The following CAND2 variants were observed in gnomAD, a reference collection of about 807,000 sequenced individuals.
CAND2 encodes cullin associated and neddylation dissociated 2 (putative).
CAND2 carries 62 observed loss-of-function variants against 98.9 expected under a neutral mutation model. That is an observed-to-expected ratio of 0.63 (90% CI 0.51 to 0.77). The LOEUF (loss-of-function observed/expected upper bound fraction) is 0.77. CAND2 is among the 30% of genes least tolerant of loss of function. CAND2 has a pLI of 0.00. For missense variants in CAND2, 1,501 were observed against 1,655.2 expected (o/e 0.91, Z 1.62); for synonymous variants, 770 against 731.9 (o/e 1.05, Z -0.84).
intron 1 of CAND2, among the ~76,000 whole-genome samples, chr3:12,797,943 G>GC (rs1007332386): frequency 2.0e-5 from 3 of 151,826 alleles, no homozygotes; most frequent in Middle Eastern, 3.4e-3. Flanking sequence ...CCCCTCAAGA[G>GC]CCCCCCCACA....
chr3:12,833,471 A>G (rs909413734), intron 14 of CAND2, among the ~76,000 whole-genome samples: 1 of 152,184 alleles, frequency 6.6e-6, no homozygotes, highest in African/African-American at 2.4e-5. Flanking sequence ...GCCACTGTCA[A>G]TTAACAAAAA....
chr3:12,805,134 T>C (rs1479476648), intron 2 of CAND2, among the ~76,000 whole-genome samples: 2 of 152,232 alleles, frequency 1.3e-5, no homozygotes, highest in Admixed American at 1.3e-4. Flanking sequence ...GTATGCGTGC[T>C]TGGGCACTGT....
chr3:12,799,982 G>A (rs963895470), intron 1 of CAND2, among the ~76,000 whole-genome samples: 8 of 152,186 alleles, frequency 5.3e-5, no homozygotes, highest in Non-Finnish European at 1.2e-4. Flanking sequence ...GAGGCACATC[G>A]CCTGGGTTGC....
At chr3:12,820,204 T>C in intron 11 of CAND2, 23 bp downstream of exon 11, 1 of 1,574,280 alleles carries the variant, frequency 6.4e-7, no homozygotes, top group Non-Finnish European at 8.7e-7. Flanking sequence ...CTCTTGCCCC[T>C]CCACCTTGTT....
intron 2 of CAND2, among the ~76,000 whole-genome samples, chr3:12,804,182 G>T (rs149889708): frequency 6.6e-6 from 1 of 152,034 alleles, no homozygotes; most frequent in Non-Finnish European, 1.5e-5. Flanking sequence ...GGCTGGGTGC[G>T]GTGGCTCATG....
rs370615093 is a variant in CAND2, at chr3:12,812,977, C to T, written c.758-13C>T. The T allele has an allele frequency of 1.1e-3, 1,698 of 1,537,974 alleles. 12 individuals carry two copies. Among genetic ancestry groups the T allele is most frequent in the South Asian group, 7.7e-3 (651 of 84,308 alleles). ...TGTCTGGCTTGGGTTCAGTGATCCA[C>T]CTGGCCCTGCAGGGGCTCACCTGGA... On this transcript the variant is annotated splice_polypyrimidine_tract_variant and intron_variant, in intron 5 of 14. Transcript: ENST00000456430.
chr3:12,810,284 A>G lies in CAND2; in HGVS notation c.717A>G (p.Gln239=), dbSNP rs777566623. The G allele has an allele frequency of 3.4e-6, 5 of 1,483,450 alleles. No homozygotes were observed. Among genetic ancestry groups the G allele is most frequent in the South Asian group, 1.3e-5 (1 of 77,140 alleles). 91.9% of individuals were successfully genotyped at this position (1,483,450 alleles called of 1,614,324 possible). A position where few individuals can be genotyped will look rare whatever the true frequency, so the allele number is the denominator to read the frequency against. ...CGACTGCCATCCGCACCCTGATCCA[A>G]TGTTTGGGCAGCGTCGGCCGCCAGG... ...TSPTAIRTLI[Q]CLGSVGRQAG... The change falls in exon 5 of 15, where the codon CAA becomes CAG. Residue 239 remains glutamine (Q), a synonymous_variant. Transcript: ENST00000456430.
In CAND2 at chr3:12,810,178, C is replaced by T. The variant is rs760763894; in HGVS notation, c.611C>T (p.Ala204Val). Residue 204 changes from alanine (A) to valine (V), a missense_variant, in exon 5 of 15, where the codon GCC (alanine) becomes GTC (valine). Coordinates refer to ENST00000456430, the MANE Select transcript of CAND2 (RefSeq NM_001162499.2). ...GTCGGAGCGCTTGGCCACCTGGCGG[C>T]CGCCTGCAGCACCGACCTCTTCGTC... ...RAVGALGHLA[A>V]ACSTDLFVEL... 5 of 1,532,784 alleles carry T rather than the reference C, an allele frequency of 3.3e-6. No homozygotes were observed. In the East Asian group the frequency reaches 1.0e-4, roughly 31 times the overall value. 94.9% of individuals were successfully genotyped at this position (1,532,784 alleles called of 1,614,324 possible). A position where few individuals can be genotyped will look rare whatever the true frequency, so the allele number is the denominator to read the frequency against.
At chr3:12,829,550 A>G (rs978570950) in intron 13 of CAND2, among the ~76,000 whole-genome samples, 4 of 152,234 alleles carry the variant, frequency 2.6e-5, no homozygotes, top group African/African-American at 9.6e-5. Flanking sequence ...GTTTTAAAAG[A>G]TTTACACAAG....
chr3:12,800,700 A>G (rs1442912180), intron 1 of CAND2, among the ~76,000 whole-genome samples: 7 of 152,118 alleles, frequency 4.6e-5, no homozygotes, highest in Admixed American at 4.6e-4. Flanking sequence ...TTTCAAGATA[A>G]TCTGGAAGTC....
Position 12,827,652 on chromosome 3 carries a change from T to C in CAND2, c.3375+48T>C, listed in dbSNP as rs774278409. 4.6e-6 allele frequency: 7 copies of C among 1,537,588 alleles called. No homozygotes were observed. In the South Asian group the frequency reaches 4.9e-5, roughly 11 times the overall value. On this transcript the variant is annotated intron_variant, in intron 13 of 14. Coordinates refer to ENST00000456430, the MANE Select transcript of CAND2 (RefSeq NM_001162499.2). Reference sequence around the variant, plus strand: ...ATCTATGTGCCCCTGTACCAAGGGATAGTCGGGCACCATTGGGGCCATGCT... The same window carrying C: ...ATCTATGTGCCCCTGTACCAAGGGACAGTCGGGCACCATTGGGGCCATGCT...
At position 12,810,327 on chromosome 3, in the gene CAND2, A is replaced by AAGGGGGC. The variant is rs1353414721; in HGVS notation, c.757+11_757+17dup. The AAGGGGGC allele has an allele frequency of 2.1e-6, 3 of 1,451,238 alleles. No individual in the cohort carries two copies. The highest frequency in any genetic ancestry group is 1.4e-5 in the South Asian group (1 of 71,108). 89.9% of individuals were successfully genotyped at this position (1,451,238 alleles called of 1,614,324 possible). A position where few individuals can be genotyped will look rare whatever the true frequency, so the allele number is the denominator to read the frequency against. On this transcript the variant is annotated splice_donor_region_variant and intron_variant, in intron 5 of 14. Transcript: ENST00000456430. ...CCGCCAGGCCGGCCACCGCCTCGGT[A>AAGGGGGC]AGGGGGCAGGGGGCGGGGCCTGGGC... is the stretch of plus-strand genomic sequence containing the variant.
intron 12 of CAND2, among the ~76,000 whole-genome samples, chr3:12,826,830 CTTT>C (rs1407883495): frequency 6.1e-5 from 8 of 131,770 alleles, no homozygotes; most frequent in African/African-American, 5.8e-5. Context: ...GTAACATTTA[CTTT>C]TTTTTTTTTT....
At chr3:12,813,468 G>T in intron 7 of CAND2, 80 bp downstream of exon 7, 1 of 1,457,646 alleles carries the variant, frequency 6.9e-7, no homozygotes, top group Non-Finnish European at 9.4e-7. Context: ...AAAGACAGCG[G>T]TCACATTTGG....
chr3:12,827,368 G>A, intron 12 of CAND2, 72 bp from the exon 13 acceptor site: 2 of 1,434,732 alleles, frequency 1.4e-6, no homozygotes, highest in East Asian at 2.3e-5. Flanking sequence ...GAGATGTGGG[G>A]TTTGTAGCAG....
At chr3:12,820,442 G>A (rs1333510132) in intron 11 of CAND2, among the ~76,000 whole-genome samples, 3 of 152,238 alleles carry the variant, frequency 2.0e-5, no homozygotes. Context: ...ATGGGCGTGA[G>A]AAACTCTTAT....
At chr3:12,826,992 G>C (rs985057366) in intron 12 of CAND2, among the ~76,000 whole-genome samples, 3 of 151,962 alleles carry the variant, frequency 2.0e-5, no homozygotes, top group Admixed American at 6.6e-5. Context: ...CACCATGCCC[G>C]GCTAATTTTT....
chr3:12,819,033 G>T (rs2061933118), intron 10 of CAND2, among the ~76,000 whole-genome samples: 1 of 152,222 alleles, frequency 6.6e-6, no homozygotes, highest in South Asian at 2.1e-4. Flanking sequence ...TGAGTGGTCT[G>T]CTTCTAGTAG....
intron 2 of CAND2, among the ~76,000 whole-genome samples, chr3:12,804,820 G>C (rs895148689): frequency 1.3e-5 from 2 of 152,224 alleles, no homozygotes; most frequent in South Asian, 4.2e-4. Context: ...CATTCTTCTG[G>C]GGCATGTTAA....
Sources: gnomAD v4.1 joint callset for allele counts (sites outside exome capture counted in the v4.1 genomes callset) on GRCh38, gnomAD v4.1.1 for gene constraint, MANE v1.5 for transcripts, NCBI Gene and HGNC (gene_info 2026-07-23, HGNC 2026-07-21) for gene names.